Variants in RDH14 observed in about 807,000 individuals in gnomAD.
The protein encoded by RDH14 is retinol dehydrogenase 14.
A neutral mutation model predicts 19.3 loss-of-function variants in RDH14; 17 were observed. The observed-to-expected ratio is 0.88, with a 90% CI of 0.60 to 1.32. The LOEUF (loss-of-function observed/expected upper bound fraction) is 1.32, where lower values mean the gene tolerates loss of function less well. Among genes scored for constraint, RDH14 ranks in the 40% most tolerant of loss-of-function variants. RDH14 has a pLI of 0.00. For synonymous variants in RDH14, 215 were observed against 188.9 expected (o/e 1.14, Z -1.13); for missense variants, 534 against 449.2 (o/e 1.19, Z -1.71).
In RDH14 at chr2:18,560,583, G is replaced by C. The variant is rs1664089484; in HGVS notation, c.-11C>G. 2 of 1,426,160 alleles carry C rather than the reference G, an allele frequency of 1.4e-6. No homozygotes were observed. Among genetic ancestry groups the C allele is most frequent in the Admixed American group, 3.1e-5 (1 of 32,696 alleles). 88.3% of individuals were successfully genotyped at this position (1,426,160 alleles called of 1,614,324 possible). On this transcript the variant is annotated 5_prime_UTR_variant, in exon 1 of 2. Transcript: ENST00000381249. ...AGTGGCCACTGCCATCGTCAGGCCC[G>C]AGGGCCCACCGGCCCCTCCACGGGA...
At position 18,554,938 on chromosome 2, in the gene RDH14, C is replaced by A; in HGVS notation, c.*253G>T. 2 of 368,196 alleles carry A rather than the reference C, an allele frequency of 5.4e-6. No homozygotes were observed. The highest frequency in any genetic ancestry group is 4.8e-6 in the Non-Finnish European group (1 of 210,444). 22.8% of individuals were successfully genotyped at this position (368,196 alleles called of 1,614,324 possible). ...CCATGCTTGCCCAGTTATAATTTTA[C>A]AATATAATTGTATTTTTCATTGTAC... On this transcript the variant is annotated 3_prime_UTR_variant, in exon 2 of 2. Transcript: ENST00000381249.
At position 18,555,181 on chromosome 2, in the gene RDH14, C is replaced by T. The variant is rs534879436; in HGVS notation, c.*10G>A. ...TGCAGTTTTATAAACAGCTCTTTTACTCCTTGTTCCTATTTTAGCAGGCCA... is the reference window on the plus strand; with the variant it reads ...TGCAGTTTTATAAACAGCTCTTTTATTCCTTGTTCCTATTTTAGCAGGCCA... On this transcript the variant is annotated 3_prime_UTR_variant, in exon 2 of 2. Coordinates refer to ENST00000381249, the MANE Select transcript of RDH14 (RefSeq NM_020905.4). 1.2e-6 allele frequency: 2 copies of T among 1,610,644 alleles called. No homozygotes were observed. The highest frequency in any genetic ancestry group is 2.2e-5 in the East Asian group (1 of 44,836).
rs1373602627 is a variant in RDH14 at position 18,555,197 on chromosome 2, T to C, written c.1005A>G (p.Leu335=). ...WDISEVMVGL[L]K ...GCTCTTTTACTCCTTGTTCCTATTTTAGCAGGCCAACCATCACTTCACTGA... is the reference window on the plus strand; with the variant it reads ...GCTCTTTTACTCCTTGTTCCTATTTCAGCAGGCCAACCATCACTTCACTGA... The change falls in exon 2 of 2, where the codon CTA becomes CTG. Residue 335 remains leucine (L), a synonymous_variant. Coordinates refer to ENST00000381249, the MANE Select transcript of RDH14 (RefSeq NM_020905.4). 7.4e-6 allele frequency: 12 copies of C among 1,612,760 alleles called. No individual in the cohort carries two copies. Among genetic ancestry groups the C allele is most frequent in the Non-Finnish European group, 1.0e-5 (12 of 1,179,090 alleles).
In RDH14 at chr2:18,555,374, G is replaced by GAAAA; in HGVS notation, c.824_827dup (p.Lys277PhefsTer19). ...TCTGGGCACCTTCTACTGGAGTTTT[G>GAAAA]AAAAAAGCCCATGACACCAAATTGA... On this transcript the variant is annotated frameshift_variant, in exon 2 of 2. Transcript: ENST00000381249. LOFTEE classifies it high-confidence loss of function. The GAAAA allele has an allele frequency of 6.2e-7, 1 of 1,613,878 alleles. No individual in the cohort carries two copies.
intron 1 of RDH14, among the ~76,000 whole-genome samples, chr2:18,557,326 A>G (rs951822542): frequency 2.0e-5 from 3 of 152,230 alleles, no homozygotes; most frequent in African/African-American, 7.2e-5. Context: ...GAAAAGAAAA[A>G]TGTGTTACAT....
Position 18,560,547 on chromosome 2 carries a change from A to T in RDH14, c.26T>A (p.Val9Glu). ...CAGCGCCCCGCCCAGAGCGGCCAGT[A>T]CTGCCGCCGCAGTGGCCACTGCCAT... MAVATAAA[V>E]LAALGGALWL... The change falls in exon 1 of 2, where the codon GTA becomes GAA. Residue 9 changes from valine (V) to glutamate (E), a missense_variant. Coordinates refer to ENST00000381249, the MANE Select transcript of RDH14 (RefSeq NM_020905.4). The T allele has an allele frequency of 1.3e-6, 2 of 1,499,786 alleles. No individual in the cohort carries two copies. The highest frequency in any genetic ancestry group is 2.7e-5 in the East Asian group (1 of 36,506). 92.9% of individuals were successfully genotyped at this position (1,499,786 alleles called of 1,614,324 possible). A position where few individuals can be genotyped will look rare whatever the true frequency, so the allele number is the denominator to read the frequency against.
chr2:18,555,688 T>C lies in RDH14; in HGVS notation c.514A>G (p.Thr172Ala). The stretch of plus-strand genomic sequence containing the variant: ...TTGAGGAGTCCAAGGAGAAGATTGG[T>C]GAGTAGAAAGTGCCCCAGATGGTTC... ...GVNHLGHFLL[T>A]NLLLGLLKSS... The change falls in exon 2 of 2, where the codon ACC (threonine) becomes GCC (alanine). Residue 172 changes from threonine (T) to alanine (A), a missense_variant. Transcript: ENST00000381249. The C allele has an allele frequency of 1.2e-6, 2 of 1,614,096 alleles. No individual in the cohort carries two copies. Among genetic ancestry groups the C allele is most frequent in the Non-Finnish European group, 1.7e-6 (2 of 1,179,958 alleles).
chr2:18,559,714 G>C (rs1056226125), intron 1 of RDH14, among the ~76,000 whole-genome samples: 3 of 152,154 alleles, frequency 2.0e-5, no homozygotes, highest in Non-Finnish European at 4.4e-5. Flanking sequence ...CAGCAGAAAA[G>C]GGGCAGAGGC....
chr2:18,555,634 C>T lies in RDH14; in HGVS notation c.568G>A (p.Val190Ile). ...CCGTATTTATAAAGTTTGGAAGAAACTACCACAATCCTGCTGGGAGCTGAA... is the reference window on the plus strand; with the variant it reads ...CCGTATTTATAAAGTTTGGAAGAAATTACCACAATCCTGCTGGGAGCTGAA... ...KSSAPSRIVV[V>I]SSKLYKYGDI... The change falls in exon 2 of 2, where the codon GTT becomes ATT. Residue 190 changes from valine to isoleucine, a missense_variant. Coordinates refer to ENST00000381249, the MANE Select transcript of RDH14 (RefSeq NM_020905.4). 1 of 1,614,090 alleles carries T rather than the reference C, an allele frequency of 6.2e-7. No individual in the cohort carries two copies. The highest frequency in any genetic ancestry group is 8.5e-7 in the Non-Finnish European group (1 of 1,179,984).
rs373588347 is a variant in RDH14 at position 18,555,240 on chromosome 2, G to C, written c.962C>G (p.Ala321Gly). The change falls in exon 2 of 2, where the codon GCA becomes GGA. Residue 321 changes from alanine to glycine, a missense_variant. Coordinates refer to ENST00000381249, the MANE Select transcript of RDH14 (RefSeq NM_020905.4). Reference sequence around the variant, plus strand: ...TTCACTGATATCCCAGAGTTTTCTTGCAACAGATTCATCCATAGCTTTGGG... The same window carrying C: ...TTCACTGATATCCCAGAGTTTTCTTCCAACAGATTCATCCATAGCTTTGGG... ...LLPKAMDESV[A>G]RKLWDISEVM... is the part of the protein sequence containing the mutation. 3 of 1,613,906 alleles carry C rather than the reference G, an allele frequency of 1.9e-6. No individual in the cohort carries two copies. Among genetic ancestry groups the C allele is most frequent in the Non-Finnish European group, 2.5e-6 (3 of 1,179,958 alleles).
At position 18,555,079 on chromosome 2, in the gene RDH14, T is replaced by G; in HGVS notation, c.*112A>C. ...CCCACATGTACCTCTTAGCAGGCTA[T>G]TCCAATATCAAAATTCTTTTTCTTC... is the stretch of plus-strand genomic sequence containing the variant. On this transcript the variant is annotated 3_prime_UTR_variant, in exon 2 of 2. Transcript: ENST00000381249. 1 of 1,488,210 alleles carries G rather than the reference T, an allele frequency of 6.7e-7. No homozygotes were observed. The highest frequency in any genetic ancestry group is 9.0e-7 in the Non-Finnish European group (1 of 1,115,900). 92.2% of individuals were successfully genotyped at this position (1,488,210 alleles called of 1,614,324 possible).
intron 1 of RDH14, among the ~76,000 whole-genome samples, chr2:18,559,843 A>C (rs955794686): frequency 1.3e-5 from 2 of 152,164 alleles, no homozygotes; most frequent in African/African-American, 4.8e-5. Flanking sequence ...ACACAGGAAA[A>C]ACAATTCAGA....
At position 18,554,955 on chromosome 2, in the gene RDH14, T is replaced by C; in HGVS notation, c.*236A>G. On this transcript the variant is annotated 3_prime_UTR_variant, in exon 2 of 2. Transcript: ENST00000381249. ...TAATTTTACAATATAATTGTATTTT[T>C]CATTGTACTTATTATTCATTATACT... The C allele has an allele frequency of 2.3e-6, 1 of 437,814 alleles. No individual in the cohort carries two copies. The highest frequency in any genetic ancestry group is 3.9e-5 in the Admixed American group (1 of 25,516). 27.1% of individuals were successfully genotyped at this position (437,814 alleles called of 1,614,324 possible). A position where few individuals can be genotyped will look rare whatever the true frequency, so the allele number is the denominator to read the frequency against.
Position 18,555,560 on chromosome 2 carries a change from G to A in RDH14, c.642C>T (p.Ser214=), listed in dbSNP as rs1334050307. ...DLNSEQSYNK[S]FCYSRSKLAN... ...CCAGTTTGCTCCGGCTATAACAAAA[G>A]CTTTTATTATAGCTTTGTTCACTGT... is the stretch of plus-strand genomic sequence containing the variant. Residue 214 remains serine (S), a synonymous_variant, in exon 2 of 2, where the codon AGC becomes AGT. Coordinates refer to ENST00000381249, the MANE Select transcript of RDH14 (RefSeq NM_020905.4). 3.7e-6 allele frequency: 6 copies of A among 1,613,968 alleles called. No individual in the cohort carries two copies. In the African/African-American group the frequency reaches 5.3e-5, roughly 14 times the overall value.
chr2:18,560,425 C>G lies in RDH14; in HGVS notation c.148G>C (p.Gly50Arg). Reference sequence around the variant, plus strand: ...GCGCGGCCCAGGCCGCTGTTCGCCCCGGTGATCAGCACAGTCTTCCCGTGC... The same window carrying G: ...GCGCGGCCCAGGCCGCTGTTCGCCCGGGTGATCAGCACAGTCTTCCCGTGC... Reference protein sequence around the residue: ...LMHGKTVLITGANSGLGRATA... With the variant: ...LMHGKTVLITRANSGLGRATA... Residue 50 changes from glycine (G) to arginine (R), a missense_variant, in exon 1 of 2, where the codon GGG becomes CGG. Transcript: ENST00000381249. 7.3e-6 allele frequency: 11 copies of G among 1,505,134 alleles called. No individual in the cohort carries two copies. Among genetic ancestry groups the G allele is most frequent in the Non-Finnish European group, 9.7e-6 (11 of 1,135,976 alleles). The allele number at this position is 1,505,134 out of a possible 1,614,324, so 93.2% of individuals were successfully genotyped here.
chr2:18,559,852 G>C (rs1193436252), intron 1 of RDH14, among the ~76,000 whole-genome samples: 1 of 152,176 alleles, frequency 6.6e-6, no homozygotes, highest in African/African-American at 2.4e-5. Flanking sequence ...AAACAATTCA[G>C]AGGCCATGGA....
chr2:18,560,322 G>A lies in RDH14; in HGVS notation c.251C>T (p.Ala84Val), dbSNP rs955148412. 1.3e-5 allele frequency: 19 copies of A among 1,419,654 alleles called. No individual in the cohort carries two copies. Among genetic ancestry groups the A allele is most frequent in the South Asian group, 4.5e-5 (3 of 66,842 alleles). The allele number at this position is 1,419,654 out of a possible 1,614,324, so 87.9% of individuals were successfully genotyped here. Reference sequence around the variant, plus strand: ...GCGGAGCTCGCGGCGGAGCTGACCCGCCGCCTCCTCGGCGCGCGCGCGGTC... The same window carrying A: ...GCGGAGCTCGCGGCGGAGCTGACCCACCGCCTCCTCGGCGCGCGCGCGGTC... The part of the protein sequence containing the change: ...CRDRARAEEA[A>V]GQLRRELRQA... Residue 84 changes from alanine to valine, a missense_variant, in exon 1 of 2, where the codon GCG (alanine) becomes GTG (valine). Transcript: ENST00000381249.
chr2:18,560,183 G>A lies in RDH14; in HGVS notation c.390C>T (p.Leu130=). ...RSVRAFCQEM[L]QEEPRLDVLI... The stretch of plus-strand genomic sequence containing the variant: ...CCCGGCCCCCCGAGGCCCACACCTG[G>A]AGCATTTCCTGGCAGAAGGCGCGCA... The change falls in exon 1 of 2, where the codon CTC becomes CTT. Residue 130 remains leucine (L), a synonymous_variant. Transcript: ENST00000381249. 1 of 1,528,314 alleles carries A rather than the reference G, an allele frequency of 6.5e-7. No individual in the cohort carries two copies. The highest frequency in any genetic ancestry group is 8.7e-7 in the Non-Finnish European group (1 of 1,144,190). 94.7% of individuals were successfully genotyped at this position (1,528,314 alleles called of 1,614,324 possible). A position where few individuals can be genotyped will look rare whatever the true frequency, so the allele number is the denominator to read the frequency against.
chr2:18,560,099 C>T (rs1010592139), intron 1 of RDH14, 81 bp downstream of exon 1: 1 of 1,429,694 alleles, frequency 7.0e-7, no homozygotes, highest in Non-Finnish European at 9.2e-7. Flanking sequence ...GGCGGTCCCT[C>T]GCGGCTCAGC....
Sources: allele counts gnomAD v4.1 joint callset (sites outside exome capture counted in the v4.1 genomes callset), GRCh38; gene constraint gnomAD v4.1.1; transcripts MANE v1.5; gene names NCBI Gene and HGNC (gene_info 2026-07-23, HGNC 2026-07-21).